Variants in KHDRBS2 observed in about 807,000 individuals in gnomAD.
KHDRBS2 encodes KH RNA binding domain containing, signal transduction associated 2, also known as KH domain-containing, RNA-binding, signal transduction-associated protein 2.
KHDRBS2 carries 26 observed loss-of-function variants against 44.3 expected under a neutral mutation model. The observed-to-expected ratio is 0.59, with a 90% confidence interval of 0.43 to 0.81. The LOEUF (loss-of-function observed/expected upper bound fraction) is 0.81, where lower values mean the gene tolerates loss of function less well. KHDRBS2 is among the 40% of genes least tolerant of loss of function. The probability of loss-of-function intolerance (pLI) is 0.00; values close to 1 mark genes in which losing one functional copy is unlikely to be tolerated. For synonymous variants in KHDRBS2, 194 were observed against 151.1 expected (o/e 1.28, Z -2.08); for missense variants, 476 against 433.1 (o/e 1.10, Z -0.88).
chr6:61,615,364 G>T, the KHDRBS2 span, among the ~76,000 whole-genome samples: 1 of 151,792 alleles, frequency 6.6e-6, no homozygotes, highest in African/African-American at 2.4e-5. Flanking sequence ...TTATTATTTG[G>T]TTCAAGTCTA....
intron 6 of KHDRBS2, among the ~76,000 whole-genome samples, chr6:61,778,913 C>G (rs746593205): frequency 1.1e-4 from 17 of 152,174 alleles, no homozygotes; most frequent in Non-Finnish European, 1.6e-4. Context: ...CTGCTTTGCT[C>G]ACTGACAATT....
chr6:61,982,683 A>C (rs73481183), intron 3 of KHDRBS2, among the ~76,000 whole-genome samples: 6,531 of 151,650 alleles, frequency 0.043, 505 homozygotes, highest in African/African-American at 0.15. Flanking sequence ...AAAAAAAAAA[A>C]AAAAAGAACA....
chr6:62,199,791 A>G (rs1826528696), intron 1 of KHDRBS2, among the ~76,000 whole-genome samples: 1 of 152,226 alleles, frequency 6.6e-6, no homozygotes, highest in South Asian at 2.1e-4. Flanking sequence ...ATCCTAAGCC[A>G]AAAGAAGAAA....
chr6:62,227,475 A>G (rs1244940882), intron 1 of KHDRBS2, among the ~76,000 whole-genome samples: 1 of 152,120 alleles, frequency 6.6e-6, no homozygotes, highest in African/African-American at 2.4e-5. Context: ...GCAAACAGAG[A>G]CGATTTGACT....
At chr6:61,713,784 A>G (rs1157986069) in intron 7 of KHDRBS2, among the ~76,000 whole-genome samples, 1 of 151,756 alleles carries the variant, frequency 6.6e-6, no homozygotes, top group African/African-American at 2.4e-5. Context: ...AACAATATAG[A>G]CTGGGGAAAG....
the KHDRBS2 span, among the ~76,000 whole-genome samples, chr6:61,559,294 G>A: frequency 6.6e-6 from 1 of 150,842 alleles, no homozygotes; most frequent in Non-Finnish European, 1.5e-5. Context: ...TCTTACCAGT[G>A]TATGCATATT....
the KHDRBS2 span, among the ~76,000 whole-genome samples, chr6:61,621,262 T>C: frequency 6.6e-6 from 1 of 152,178 alleles, no homozygotes; most frequent in Admixed American, 6.5e-5. Flanking sequence ...AGTACAATAA[T>C]CCAGTCATTT....
the KHDRBS2 span, among the ~76,000 whole-genome samples, chr6:61,590,698 C>G: frequency 6.6e-6 from 1 of 152,068 alleles, no homozygotes; most frequent in Non-Finnish European, 1.5e-5. Context: ...TTATAAAGTA[C>G]AGTCTATAAG....
At chr6:61,562,113 T>C in the KHDRBS2 span, among the ~76,000 whole-genome samples, 2 of 152,180 alleles carry the variant, frequency 1.3e-5, no homozygotes, top group South Asian at 4.1e-4. Flanking sequence ...CATCATATAT[T>C]CAGTTAATTT....
the KHDRBS2 span, among the ~76,000 whole-genome samples, chr6:61,646,992 G>A: frequency 2.0e-5 from 3 of 151,868 alleles, no homozygotes; most frequent in Admixed American, 2.0e-4. Context: ...GCTAATTTTT[G>A]TATGTTTATA....
chr6:61,741,555 A>G (rs557393499), intron 6 of KHDRBS2, among the ~76,000 whole-genome samples: 2 of 152,036 alleles, frequency 1.3e-5, no homozygotes, highest in East Asian at 3.9e-4. Flanking sequence ...GGTTTGGGGT[A>G]TAAATAGCCC....
At chr6:61,857,589 T>TCAAAAAA (rs1429640182) in intron 6 of KHDRBS2, among the ~76,000 whole-genome samples, 1 of 72,012 alleles carries the variant, frequency 1.4e-5, no homozygotes, top group Non-Finnish European at 3.1e-5. Context: ...TACTTCATAT[T>TCAAAAAA]TATTTTTCAT....
chr6:62,073,121 T>G (rs542537606), intron 2 of KHDRBS2, among the ~76,000 whole-genome samples: 1 of 152,110 alleles, frequency 6.6e-6, no homozygotes, highest in South Asian at 2.1e-4. Flanking sequence ...TTCTAATCTT[T>G]GAAAAGATTA....
the KHDRBS2 span, among the ~76,000 whole-genome samples, chr6:61,584,200 G>A: frequency 6.6e-6 from 1 of 151,870 alleles, no homozygotes; most frequent in Admixed American, 6.6e-5. Context: ...CTGCATGTCT[G>A]TTCCTATCTT....
At chr6:61,937,631 C>A (rs2127372451) in intron 4 of KHDRBS2, among the ~76,000 whole-genome samples, 1 of 152,164 alleles carries the variant, frequency 6.6e-6, no homozygotes, top group African/African-American at 2.4e-5. Flanking sequence ...GAAAATCAGT[C>A]ATTTCATTTG....
At chr6:62,040,502 T>C (rs1303523861) in intron 3 of KHDRBS2, among the ~76,000 whole-genome samples, 5 of 152,006 alleles carry the variant, frequency 3.3e-5, no homozygotes, top group African/African-American at 1.2e-4. Context: ...GCATCTCTGC[T>C]CCAGGATTTT....
chr6:61,641,628 A>G, the KHDRBS2 span, among the ~76,000 whole-genome samples: 1 of 152,022 alleles, frequency 6.6e-6, no homozygotes, highest in African/African-American at 2.4e-5. Context: ...TATTTCTCTC[A>G]CTGGTATTAT....
chr6:62,239,511 T>G (rs1011333494), intron 1 of KHDRBS2, among the ~76,000 whole-genome samples: 1 of 151,982 alleles, frequency 6.6e-6, no homozygotes, highest in Non-Finnish European at 1.5e-5. Flanking sequence ...AGGCGGACGT[T>G]GCCGTGAGCC....
intron 6 of KHDRBS2, among the ~76,000 whole-genome samples, chr6:61,772,005 A>AACTGTATC (rs1781004008): frequency 6.6e-6 from 1 of 152,236 alleles, no homozygotes. Context: ...CCACAGTGCA[A>AACTGTATC]TCAAACTAGA....
Sources: gnomAD v4.1 joint callset for allele counts (sites outside exome capture counted in the v4.1 genomes callset) on GRCh38, gnomAD v4.1.1 for gene constraint, MANE v1.5 for transcripts, NCBI Gene and HGNC (gene_info 2026-07-23, HGNC 2026-07-21) for gene names.